Variants in CADM1 observed in about 807,000 individuals in gnomAD.
CADM1 encodes the protein cell adhesion molecule 1, also known as TSLC-1.
A neutral mutation model predicts 53.1 loss-of-function variants in CADM1; 15 were observed. The observed-to-expected ratio is 0.28, with a 90% CI of 0.19 to 0.44. The LOEUF (loss-of-function observed/expected upper bound fraction) is 0.44, where lower values mean the gene tolerates loss of function less well. Among genes scored for constraint, CADM1 ranks in the 20% least tolerant of loss-of-function variants. The probability of loss-of-function intolerance (pLI) is 1.00; values close to 1 mark genes in which losing one functional copy is unlikely to be tolerated. For missense variants in CADM1, 434 were observed against 611.3 expected (o/e 0.71, Z 3.06); for synonymous variants, 281 against 243.0 (o/e 1.16, Z -1.45).
At chr11:115,439,559 A>G (rs2135318512) in intron 1 of CADM1, among the ~76,000 whole-genome samples, 1 of 152,358 alleles carries the variant, frequency 6.6e-6, no homozygotes, top group Admixed American at 6.5e-5. Flanking sequence ...ACTGCAGCTG[A>G]AAAGGACCAA....
At chr11:115,332,152 G>T (rs899405039) in intron 1 of CADM1, among the ~76,000 whole-genome samples, 4 of 152,116 alleles carry the variant, frequency 2.6e-5, no homozygotes, top group African/African-American at 9.7e-5. Flanking sequence ...GGCTGAGTAC[G>T]GAAGCAGGGA....
At position 115,365,917 on chromosome 11, in the gene CADM1, C is replaced by T. The variant is rs1406395894; in HGVS notation, c.125-125497G>A. Among the ~76,000 whole-genome samples the T allele has an allele frequency of 1.1e-4, 17 of 152,292 alleles. No homozygotes were observed. The East Asian group carries it at 3.1e-3, about 28-fold the overall frequency. Reference sequence around the variant, plus strand: ...GAAGATTTTACCCAAGTGTCCCACACGGTCACAATTAACACTGGGGCAGCT... The same window carrying T: ...GAAGATTTTACCCAAGTGTCCCACATGGTCACAATTAACACTGGGGCAGCT... On this transcript the variant is annotated intron_variant, in intron 1 of 11. Coordinates refer to ENST00000331581, the MANE Select transcript of CADM1 (RefSeq NM_001301043.2).
chr11:115,404,621 A>G (rs1947266028), intron 1 of CADM1, among the ~76,000 whole-genome samples: 1 of 150,504 alleles, frequency 6.6e-6, no homozygotes, highest in African/African-American at 2.4e-5. Context: ...TAAAAATAAA[A>G]AAAAACAAGC....
intron 8 of CADM1, among the ~76,000 whole-genome samples, chr11:115,205,770 G>A (rs1196273592): frequency 6.6e-6 from 1 of 152,110 alleles, no homozygotes; most frequent in Admixed American, 6.5e-5. Context: ...AGACTCCAAG[G>A]AACCTCGTGG....
intron 1 of CADM1, among the ~76,000 whole-genome samples, chr11:115,486,806 T>A (rs1478155019): frequency 6.6e-6 from 1 of 152,174 alleles, no homozygotes; most frequent in Non-Finnish European, 1.5e-5. Flanking sequence ...CTCACCTCTT[T>A]CTCAATAGCA....
chr11:115,283,350 C>G (rs1037394265), intron 1 of CADM1, among the ~76,000 whole-genome samples: 2 of 152,054 alleles, frequency 1.3e-5, no homozygotes, highest in Non-Finnish European at 2.9e-5. Context: ...GAACCCAGGG[C>G]CAGAAGACAA....
At chr11:115,270,615 A>C (rs1369544169) in intron 1 of CADM1, among the ~76,000 whole-genome samples, 1 of 152,184 alleles carries the variant, frequency 6.6e-6, no homozygotes, top group Non-Finnish European at 1.5e-5. Flanking sequence ...GCTCCAATTC[A>C]ATGTTTATTA....
chr11:115,409,566 T>G (rs1348205884), intron 1 of CADM1, among the ~76,000 whole-genome samples: 3 of 147,778 alleles, frequency 2.0e-5, no homozygotes, highest in Non-Finnish European at 4.5e-5. Context: ...GAATTATGGG[T>G]TTTTAATGAA....
At chr11:115,358,148 T>G (rs1464413981) in intron 1 of CADM1, among the ~76,000 whole-genome samples, 1 of 152,206 alleles carries the variant, frequency 6.6e-6, no homozygotes, top group Non-Finnish European at 1.5e-5. Flanking sequence ...GGTACCCATC[T>G]GTCATCCTTC....
At chr11:115,425,367 T>C (rs1221949687) in intron 1 of CADM1, among the ~76,000 whole-genome samples, 1 of 152,194 alleles carries the variant, frequency 6.6e-6, no homozygotes, top group East Asian at 1.9e-4. Flanking sequence ...CTCCAGTTCT[T>C]TCCACATTAG....
chr11:115,340,658 A>ATATATATT lies in CADM1; in HGVS notation c.125-100239_125-100238insAATATATA, dbSNP rs60532835. ...TATATATATATATATATATATATAT[A>ATATATATT]TTTTTTTTTTTTTTTTTTTTGAGAC... On this transcript the variant is annotated intron_variant, in intron 1 of 11. Coordinates refer to ENST00000331581, the MANE Select transcript of CADM1 (RefSeq NM_001301043.2). Among the ~76,000 whole-genome samples, 36 of 34,944 alleles carry ATATATATT rather than the reference A, an allele frequency of 1.0e-3. 1 individual carries two copies. Among genetic ancestry groups the ATATATATT allele is most frequent in the East Asian group, 1.1e-3 (1 of 916 alleles). The allele number at this position is 34,944 out of a possible 152,430, so 22.9% of individuals were successfully genotyped here.
chr11:115,479,245 T>C (rs1327927481), intron 1 of CADM1, among the ~76,000 whole-genome samples: 1 of 152,132 alleles, frequency 6.6e-6, no homozygotes, highest in African/African-American at 2.4e-5. Context: ...TGTTAACATA[T>C]TCCTGATCAT....
At chr11:115,428,293 T>C (rs1947949197) in intron 1 of CADM1, among the ~76,000 whole-genome samples, 1 of 152,158 alleles carries the variant, frequency 6.6e-6, no homozygotes, top group Non-Finnish European at 1.5e-5. Context: ...ACTTTACCAA[T>C]GTAACTACCC....
intron 1 of CADM1, among the ~76,000 whole-genome samples, chr11:115,347,081 A>T (rs572241511): frequency 1.3e-5 from 2 of 152,324 alleles, no homozygotes; most frequent in Non-Finnish European, 2.9e-5. Flanking sequence ...TGCGGGTACA[A>T]GTGAATAAAA....
intron 1 of CADM1, among the ~76,000 whole-genome samples, chr11:115,358,686 T>C (rs1024114493): frequency 7.9e-5 from 12 of 152,198 alleles, no homozygotes; most frequent in African/African-American, 2.7e-4. Flanking sequence ...GATTAATGTA[T>C]GTCACATCAG....
chr11:115,341,163 C>A (rs140797593), intron 1 of CADM1, among the ~76,000 whole-genome samples: 2 of 152,222 alleles, frequency 1.3e-5, no homozygotes, highest in Non-Finnish European at 2.9e-5. Flanking sequence ...TCTGCATATT[C>A]TGAACTACTT....
At chr11:115,247,863 T>C (rs1439871874) in intron 1 of CADM1, among the ~76,000 whole-genome samples, 1 of 152,214 alleles carries the variant, frequency 6.6e-6, no homozygotes, top group African/African-American at 2.4e-5. Flanking sequence ...TTTTTGACAA[T>C]TCCGCCCTCA....
intron 1 of CADM1, among the ~76,000 whole-genome samples, chr11:115,295,550 A>ATATATATATATTAT (rs371584699): frequency 1.7e-4 from 9 of 53,004 alleles, no homozygotes; most frequent in African/African-American, 1.2e-3. Context: ...ATATATATAT[A>ATATATATATATTAT]ATATATATGT....
chr11:115,445,630 G>C (rs963979877), intron 1 of CADM1: 2 of 296,256 alleles, frequency 6.8e-6, no homozygotes, highest in Non-Finnish European at 1.4e-5. Flanking sequence ...GATTACCTGA[G>C]GCCAGGAGTT....
Sources: allele counts gnomAD v4.1 joint callset (sites outside exome capture counted in the v4.1 genomes callset), GRCh38; gene constraint gnomAD v4.1.1; transcripts MANE v1.5; gene names NCBI Gene and HGNC (gene_info 2026-07-23, HGNC 2026-07-21).